ZNF462: variants seen among roughly 807,000 people sequenced by gnomAD.
The protein encoded by ZNF462 is zinc finger PBX1-interacting protein.
ZNF462 carries 10 observed loss-of-function variants against 201.9 expected under a neutral mutation model. The observed-to-expected ratio is 0.05, with a 90% CI of 0.03 to 0.08. The LOEUF (loss-of-function observed/expected upper bound fraction) is 0.08. Ranked by LOEUF, ZNF462 falls within the 10% of genes least tolerant of loss-of-function variation. The pLI, the probability that ZNF462 is intolerant of heterozygous loss-of-function variation, is 1.00. For missense variants in ZNF462, 2,523 were observed against 3,168.3 expected (o/e 0.80, Z 4.89); for synonymous variants, 1,227 against 1,193.3 (o/e 1.03, Z -0.58).
At chr9:106,942,516 A>G (rs959090159) in intron 7 of ZNF462, among the ~76,000 whole-genome samples, 5 of 152,218 alleles carry the variant, frequency 3.3e-5, no homozygotes, top group Admixed American at 3.3e-4. Context: ...GGTTTTGTGT[A>G]TAAGATAATG....
intron 1 of ZNF462, among the ~76,000 whole-genome samples, chr9:106,916,606 CA>C (rs1829786313): frequency 6.6e-6 from 1 of 152,090 alleles, no homozygotes. Flanking sequence ...GTTCTAAGTA[CA>C]AGGGCAAGAA....
chr9:106,931,624 G>A (rs1436484522), intron 4 of ZNF462, among the ~76,000 whole-genome samples: 2 of 152,142 alleles, frequency 1.3e-5, no homozygotes, highest in Non-Finnish European at 2.9e-5. Context: ...TCCCAGGCTC[G>A]TTTCCTGGGA....
chr9:106,995,222 G>T (rs563333439), intron 10 of ZNF462, among the ~76,000 whole-genome samples: 1 of 152,156 alleles, frequency 6.6e-6, no homozygotes, highest in East Asian at 1.9e-4. Flanking sequence ...CTGGACTTTT[G>T]CTAAGTTAGG....
rs1022451312 is a variant in ZNF462 at position 106,970,941 on chromosome 9, G to T, written c.6428-1064G>T. Among the ~76,000 whole-genome samples the T allele has an allele frequency of 6.6e-6, 1 of 151,046 alleles. No individual in the cohort carries two copies. Among genetic ancestry groups the T allele is most frequent in the African/African-American group, 2.4e-5 (1 of 41,020 alleles). ...GAAGCTTCTCGGGGTTAAGATTTGT[G>T]CCTGTCATTTCCGACATTTTCCTCA... On this transcript the variant is annotated intron_variant, in intron 7 of 12. Coordinates refer to ENST00000277225, the MANE Select transcript of ZNF462 (RefSeq NM_021224.6). The surrounding 1 kb of genome is among the most constrained non-coding windows in gnomAD (Gnocchi z 4.2).
intron 7 of ZNF462, among the ~76,000 whole-genome samples, chr9:106,955,806 T>C (rs1831548433): frequency 6.6e-6 from 1 of 152,196 alleles, no homozygotes; most frequent in African/African-American, 2.4e-5. Context: ...AACCACTTTC[T>C]TTGTTCCTCT....
In ZNF462 at chr9:106,974,129, T is replaced by A. The variant is rs1286826799; in HGVS notation, c.6696-8T>A. 6.2e-7 allele frequency: 1 copy of A among 1,613,964 alleles called. No homozygotes were observed. The highest frequency in any genetic ancestry group is 1.1e-5 in the South Asian group (1 of 91,054). On this transcript the variant is annotated splice_region_variant and splice_polypyrimidine_tract_variant and intron_variant, in intron 8 of 12. Transcript: ENST00000277225. This position sits in a 1 kb window ranked among gnomAD's most constrained non-coding sequence, Gnocchi z 4.0. ...ACGCATCACCTCTCCTCCCAAACTC[T>A]CTCCTAGATCTGCTTTTACTATGCA...
intron 1 of ZNF462, among the ~76,000 whole-genome samples, chr9:106,911,652 CAGGTAAAAGTGTTCTACAT>C (rs1829554007): frequency 6.6e-6 from 1 of 152,180 alleles, no homozygotes; most frequent in African/African-American, 2.4e-5. Context: ...CTTCCAAAAG[CAGGTAAAAGTGTTCTACAT>C]GGAGGAAAAC....
At position 106,997,946 on chromosome 9, in the gene ZNF462, T is replaced by C. The variant is rs144074533; in HGVS notation, c.7057-5348T>C. ...ATAAAGCTTTATTGGAATACAGCCA[T>C]GGTCATCCATTGACTTATTGTTTAT... is the stretch of plus-strand genomic sequence containing the variant. On this transcript the variant is annotated intron_variant, in intron 10 of 12. Coordinates refer to ENST00000277225, the MANE Select transcript of ZNF462 (RefSeq NM_021224.6). 4.6e-3 allele frequency among the ~76,000 whole-genome samples: 691 copies of C among 149,654 alleles called. 9 individuals carry two copies. Among genetic ancestry groups the C allele is most frequent in the African/African-American group, 0.017 (665 of 39,052 alleles).
intron 1 of ZNF462, among the ~76,000 whole-genome samples, chr9:106,910,362 G>GTTTTTTT (rs1011376719): frequency 1.3e-3 from 82 of 64,766 alleles, no homozygotes; most frequent in East Asian, 2.4e-3. Flanking sequence ...CCTTGTTTTA[G>GTTTTTTT]TTTTTTTTTT....
intron 6 of ZNF462, among the ~76,000 whole-genome samples, chr9:106,937,649 TTCAG>T (rs1028804096): frequency 3.9e-5 from 6 of 152,180 alleles, no homozygotes; most frequent in Non-Finnish European, 7.4e-5. Flanking sequence ...TATATTTCCT[TTCAG>T]TCATTTTCTC....
chr9:106,971,366 T>TAA (rs71491265), intron 7 of ZNF462, among the ~76,000 whole-genome samples: 2 of 126,784 alleles, frequency 1.6e-5, no homozygotes, highest in African/African-American at 3.4e-5. Context: ...CGATTTCCTT[T>TAA]AAAAAAAAAA....
intron 5 of ZNF462, among the ~76,000 whole-genome samples, chr9:106,934,268 C>A: frequency 6.8e-6 from 1 of 146,560 alleles, no homozygotes; most frequent in Non-Finnish European, 1.5e-5. Flanking sequence ...CCCAGGTAGT[C>A]TGACTCCATA....
intron 7 of ZNF462, among the ~76,000 whole-genome samples, chr9:106,948,317 A>T (rs1320845558): frequency 6.6e-6 from 1 of 152,188 alleles, no homozygotes; most frequent in East Asian, 1.9e-4. Context: ...AATGGGGAAG[A>T]CTAGCAGCAA....
chr9:106,903,920 A>G (rs1186765454), intron 1 of ZNF462, among the ~76,000 whole-genome samples: 8 of 152,174 alleles, frequency 5.3e-5, no homozygotes, highest in Non-Finnish European at 1.2e-4. Flanking sequence ...TTTACATTCA[A>G]TATCAGTATT....
At position 106,935,634 on chromosome 9, in the gene ZNF462, T is replaced by TTGATGATGCACAAGTTCTTTAGCAC. The variant is rs780049079; in HGVS notation, c.6235+15_6235+39dup. On this transcript the variant is annotated intron_variant, in intron 6 of 12. Coordinates refer to ENST00000277225, the MANE Select transcript of ZNF462 (RefSeq NM_021224.6). This position sits in a 1 kb window ranked among gnomAD's most constrained non-coding sequence, Gnocchi z 4.1. ...AAAGCTCATGCTGGTGAGTTGTGCATTGATGATGCACAAGTTCTTTAGCAC... is the reference window on the plus strand; with the variant it reads ...AAAGCTCATGCTGGTGAGTTGTGCATTGATGATGCACAAGTTCTTTAGCACTGATGATGCACAAGTTCTTTAGCAC... 6.9e-6 allele frequency: 11 copies of TTGATGATGCACAAGTTCTTTAGCAC among 1,603,002 alleles called. No individual in the cohort carries two copies. Among genetic ancestry groups the TTGATGATGCACAAGTTCTTTAGCAC allele is most frequent in the Non-Finnish European group, 8.5e-6 (10 of 1,170,118 alleles).
At chr9:106,875,751 A>C (rs960831824) in intron 1 of ZNF462, among the ~76,000 whole-genome samples, 1 of 152,216 alleles carries the variant, frequency 6.6e-6, no homozygotes, top group Non-Finnish European at 1.5e-5. Context: ...GACACTGTGA[A>C]TCACTGGGCC....
At chr9:106,908,938 TA>T (rs1829416393) in intron 1 of ZNF462, among the ~76,000 whole-genome samples, 4 of 36,948 alleles carry the variant, frequency 1.1e-4, no homozygotes, top group South Asian at 1.2e-3. Flanking sequence ...TATATATATA[TA>T]TATTTTTTTT....
chr9:106,985,790 T>G (rs1827792589), intron 10 of ZNF462, among the ~76,000 whole-genome samples: 1 of 152,144 alleles, frequency 6.6e-6, no homozygotes, highest in African/African-American at 2.4e-5. Context: ...TGTGGGGTGT[T>G]GAGAGAGAAG....
Position 106,928,748 on chromosome 9 carries a change from C to T in ZNF462, c.4836C>T (p.Pro1612=), listed in dbSNP as rs753200447. ...QPEFDVFSQS[P]PKLPVPLEPE... ...AATTTGATGTCTTTTCCCAGTCGCC[C>T]CCGAAGCTGCCAGTCCCCCTCGAGC... The change falls in exon 3 of 13, where the codon CCC becomes CCT. Residue 1612 remains proline (P), a synonymous_variant. Transcript: ENST00000277225. This position sits in a 1 kb window ranked among gnomAD's most constrained non-coding sequence, Gnocchi z 9.3. The T allele has an allele frequency of 1.2e-6, 2 of 1,614,088 alleles. No individual in the cohort carries two copies. Among genetic ancestry groups the T allele is most frequent in the Admixed American group, 1.7e-5 (1 of 60,020 alleles).
Sources: gnomAD v4.1 joint callset for allele counts (sites outside exome capture counted in the v4.1 genomes callset) on GRCh38, gnomAD v4.1.1 for gene constraint, Gnocchi (gnomAD v3.1) non-coding constraint, MANE v1.5 for transcripts, NCBI Gene and HGNC (gene_info 2026-07-23, HGNC 2026-07-21) for gene names.